RNF130: variants seen among roughly 807,000 people sequenced by gnomAD.
RNF130 encodes ring finger protein 130, also known as E3 ubiquitin-protein ligase RNF130.
A neutral mutation model predicts 44.6 loss-of-function variants in RNF130; 21 were observed. The observed-to-expected ratio is 0.47, with a 90% CI of 0.33 to 0.68. The LOEUF (loss-of-function observed/expected upper bound fraction) is 0.68. Ranked by LOEUF, RNF130 falls within the 30% of genes least tolerant of loss-of-function variation. RNF130 has a pLI of 0.02. For missense variants in RNF130, 479 were observed against 560.6 expected, an observed-to-expected ratio of 0.85 and a Z score of 1.47; for synonymous variants, 214 against 210.4, an observed-to-expected ratio of 1.02 and a Z score of -0.15.
Position 179,955,487 on chromosome 5 carries a change from T to G in RNF130, c.*167A>C, listed in dbSNP as rs1762192459. On this transcript the variant is annotated 3_prime_UTR_variant, in exon 9 of 9. Coordinates refer to ENST00000521389, the MANE Select transcript of RNF130 (RefSeq NM_018434.6). ...AGACTCAACAGCACAGACTTTTTAT[T>G]TTATTATTTATTTCTTTTAATACAA... is the stretch of plus-strand genomic sequence containing the variant. 1 of 550,016 alleles carries G rather than the reference T, an allele frequency of 1.8e-6. No homozygotes were observed. Among genetic ancestry groups the G allele is most frequent in the African/African-American group, 1.9e-5 (1 of 52,236 alleles). The allele number at this position is 550,016 out of a possible 1,614,324, so 34.1% of individuals were successfully genotyped here. A position where few individuals can be genotyped will look rare whatever the true frequency, so the allele number is the denominator to read the frequency against.
chr5:180,051,521 G>A (rs1385193009), intron 1 of RNF130, among the ~76,000 whole-genome samples: 1 of 152,128 alleles, frequency 6.6e-6, no homozygotes, highest in African/African-American at 2.4e-5. Flanking sequence ...ACAGGCGTGA[G>A]CCACCGCGCC....
chr5:180,062,037 T>A (rs1764998437), intron 1 of RNF130, among the ~76,000 whole-genome samples: 1 of 150,894 alleles, frequency 6.6e-6, no homozygotes. Flanking sequence ...GCAAACATGC[T>A]TCCCCCTCCC....
chr5:179,968,741 A>C (rs1181456150), intron 6 of RNF130, among the ~76,000 whole-genome samples: 1 of 151,850 alleles, frequency 6.6e-6, no homozygotes, highest in Non-Finnish European at 1.5e-5. Flanking sequence ...TCTATGTTAG[A>C]CCAGTCTGAA....
At chr5:180,053,878 G>C (rs1201963665) in intron 1 of RNF130, among the ~76,000 whole-genome samples, 1 of 150,830 alleles carries the variant, frequency 6.6e-6, no homozygotes, top group Non-Finnish European at 1.5e-5. Flanking sequence ...CGCCCAGGCT[G>C]GAGTACAGTG....
chr5:179,955,511 A>C lies in RNF130; in HGVS notation c.*143T>G. 1.6e-6 allele frequency: 1 copy of C among 619,286 alleles called. No homozygotes were observed. The highest frequency in any genetic ancestry group is 3.0e-5 in the South Asian group (1 of 32,946). The allele number at this position is 619,286 out of a possible 1,614,324, so 38.4% of individuals were successfully genotyped here. On this transcript the variant is annotated 3_prime_UTR_variant, in exon 9 of 9. Transcript: ENST00000521389. ...TTTTATTATTTATTTCTTTTAATACAAAGCTTTGGCATTAGCAATTTTATG... is the reference window on the plus strand; with the variant it reads ...TTTTATTATTTATTTCTTTTAATACCAAGCTTTGGCATTAGCAATTTTATG...
At chr5:180,052,810 T>A (rs934829520) in intron 1 of RNF130, among the ~76,000 whole-genome samples, 1 of 152,088 alleles carries the variant, frequency 6.6e-6, no homozygotes, top group East Asian at 1.9e-4. Context: ...CTGAGAGAGA[T>A]TGCTCACCTG....
chr5:179,946,287 G>A (rs1465292296), intron 7 of RNF130, among the ~76,000 whole-genome samples: 3 of 152,202 alleles, frequency 2.0e-5, no homozygotes, highest in Non-Finnish European at 4.4e-5. Context: ...TGCCATAGCC[G>A]CGCGGGGTCT....
At chr5:179,957,840 G>A (rs1762242636) in intron 8 of RNF130, among the ~76,000 whole-genome samples, 1 of 152,008 alleles carries the variant, frequency 6.6e-6, no homozygotes. Flanking sequence ...CGGGCTGTGT[G>A]AGCAAAAGGT....
intron 1 of RNF130, among the ~76,000 whole-genome samples, chr5:180,064,544 T>C (rs2113187713): frequency 6.6e-6 from 1 of 152,370 alleles, no homozygotes; most frequent in Admixed American, 6.5e-5. Flanking sequence ...TGTGTGCAGA[T>C]ATATGATGTC....
intron 7 of RNF130, among the ~76,000 whole-genome samples, chr5:179,933,287 G>T (rs1207586509): frequency 1.3e-5 from 2 of 152,124 alleles, no homozygotes; most frequent in Non-Finnish European, 2.9e-5. Context: ...TTACCTAGAT[G>T]TAGGAGAATT....
At chr5:179,992,265 C>T (rs1415541840) in intron 3 of RNF130, among the ~76,000 whole-genome samples, 1 of 152,194 alleles carries the variant, frequency 6.6e-6, no homozygotes, top group Non-Finnish European at 1.5e-5. Flanking sequence ...CCTCAGCCTC[C>T]CGAGTAGCTG....
intron 1 of RNF130, among the ~76,000 whole-genome samples, chr5:180,045,187 A>G (rs4700852): frequency 0.8 from 121,567 of 152,190 alleles, 48,780 homozygotes; most frequent in South Asian, 0.93. Flanking sequence ...TGAGAGAAGG[A>G]GAAGAATATT....
chr5:180,029,334 A>C (rs1166611371), intron 2 of RNF130, among the ~76,000 whole-genome samples: 1 of 152,220 alleles, frequency 6.6e-6, no homozygotes, highest in African/African-American at 2.4e-5. Flanking sequence ...TGTTTTTCTA[A>C]GGTGATGAAT....
chr5:179,990,612 G>C (rs898870994), intron 3 of RNF130, among the ~76,000 whole-genome samples: 1 of 152,186 alleles, frequency 6.6e-6, no homozygotes, highest in Non-Finnish European at 1.5e-5. Context: ...TTCCTGGTCT[G>C]CTAAGTAGCG....
At position 179,978,137 on chromosome 5, in the gene RNF130, C is replaced by T. The variant is rs921289736; in HGVS notation, c.848+66G>A. The T allele has an allele frequency of 4.4e-6, 6 of 1,362,632 alleles. No individual in the cohort carries two copies. In the East Asian group the frequency reaches 1.4e-4, roughly 31 times the overall value. The allele number at this position is 1,362,632 out of a possible 1,614,324, so 84.4% of individuals were successfully genotyped here. A position where few individuals can be genotyped will look rare whatever the true frequency, so the allele number is the denominator to read the frequency against. On this transcript the variant is annotated intron_variant, in intron 5 of 8. Coordinates refer to ENST00000521389, the MANE Select transcript of RNF130 (RefSeq NM_018434.6). Reference sequence around the variant, plus strand: ...CGCTCAAAAGCAAGGGAGATGCCCACCCTGAAAAGGAGGCATACAAAGCAC... The same window carrying T: ...CGCTCAAAAGCAAGGGAGATGCCCATCCTGAAAAGGAGGCATACAAAGCAC...
chr5:180,006,724 G>T (rs547980865), intron 3 of RNF130, among the ~76,000 whole-genome samples: 3 of 152,222 alleles, frequency 2.0e-5, no homozygotes, highest in Admixed American at 6.5e-5. Flanking sequence ...GAAATTAAAG[G>T]TGCAATATTA....
chr5:180,066,116 C>G (rs1013620240), intron 1 of RNF130, among the ~76,000 whole-genome samples: 2 of 152,196 alleles, frequency 1.3e-5, no homozygotes, highest in African/African-American at 4.8e-5. Context: ...TGTGTCCCCA[C>G]CCAAATCTCA....
At chr5:179,935,375 A>C (rs1042794003) in intron 7 of RNF130, among the ~76,000 whole-genome samples, 6 of 152,170 alleles carry the variant, frequency 3.9e-5, no homozygotes, top group Non-Finnish European at 8.8e-5. Context: ...TGTTAATTAC[A>C]TCTTGTCTGT....
chr5:180,002,005 C>T (rs559358701), intron 3 of RNF130, among the ~76,000 whole-genome samples: 1 of 152,312 alleles, frequency 6.6e-6, no homozygotes, highest in South Asian at 2.1e-4. Context: ...GCACCAACTC[C>T]CCAAAGGATA....
Sources: gnomAD v4.1 joint callset for allele counts (sites outside exome capture counted in the v4.1 genomes callset) on GRCh38, gnomAD v4.1.1 for gene constraint, MANE v1.5 for transcripts, NCBI Gene and HGNC (gene_info 2026-07-23, HGNC 2026-07-21) for gene names.